The following EFHC2 variants were observed in gnomAD, a reference collection of about 807,000 sequenced individuals.
EFHC2 encodes the protein EF-hand domain-containing family member C2.
In EFHC2, 18 loss-of-function variants were observed where a neutral mutation model predicts 52.7. That is an observed-to-expected ratio of 0.34 (90% CI 0.24 to 0.51). The LOEUF (loss-of-function observed/expected upper bound fraction) is 0.51, where lower values mean the gene tolerates loss of function less well. Ranked by LOEUF, EFHC2 falls within the 20% of genes least tolerant of loss-of-function variation. The pLI, the probability that EFHC2 is intolerant of heterozygous loss-of-function variation, is 0.97. For missense variants in EFHC2, 513 were observed against 562.5 expected (o/e 0.91, Z 0.89); for synonymous variants, 203 against 204.1 (o/e 0.99, Z 0.04).
chrX:44,245,615 C>A (rs1569292485), intron 7 of EFHC2, among the ~76,000 whole-genome samples: 2 of 112,072 alleles, frequency 1.8e-5, no homozygotes, highest in Non-Finnish European at 3.8e-5. Context: ...GGGGGTCCCA[C>A]TGCACTATTA....
At chrX:44,327,455 A>G (rs1475926828) in intron 1 of EFHC2, among the ~76,000 whole-genome samples, 2 of 112,063 alleles carry the variant, frequency 1.8e-5, no homozygotes, top group East Asian at 5.6e-4. Context: ...TTTTTAGGTT[A>G]ATAGAAAATT....
chrX:44,277,952 T>C (rs1259652311), intron 2 of EFHC2, among the ~76,000 whole-genome samples: 3 of 111,255 alleles, frequency 2.7e-5, no homozygotes, highest in Non-Finnish European at 5.7e-5. Context: ...ATAGGCAAAT[T>C]TGCAATCTGG....
At chrX:44,289,607 T>A (rs1012740003) in intron 2 of EFHC2, among the ~76,000 whole-genome samples, 1 of 110,094 alleles carries the variant, frequency 9.1e-6, no homozygotes, top group African/African-American at 3.3e-5. Flanking sequence ...ATCTAATTAT[T>A]GATCTCTTTT....
intron 2 of EFHC2, among the ~76,000 whole-genome samples, chrX:44,310,861 T>A (rs2037943651): frequency 8.9e-6 from 1 of 112,012 alleles, no homozygotes; most frequent in African/African-American, 3.2e-5. Flanking sequence ...CATAAGTAAT[T>A]AAAGGCCTGC....
intron 11 of EFHC2, among the ~76,000 whole-genome samples, chrX:44,222,351 G>A (rs1416210822): frequency 9.0e-6 from 1 of 111,170 alleles, no homozygotes; most frequent in East Asian, 2.8e-4. Context: ...GAGAAATGTG[G>A]GTCCAATTTC....
intron 14 of EFHC2, among the ~76,000 whole-genome samples, chrX:44,149,528 T>C (rs2036552963): frequency 8.9e-6 from 1 of 112,159 alleles, no homozygotes. Flanking sequence ...TTTATTATTT[T>C]TTTTAAAGAC....
At chrX:44,264,624 T>C (rs778427182) in intron 3 of EFHC2, among the ~76,000 whole-genome samples, 29 of 112,593 alleles carry the variant, frequency 2.6e-4, no homozygotes, top group African/African-American at 9.0e-4. Flanking sequence ...TAACCAAAAA[T>C]CTAACGTCAC....
intron 2 of EFHC2, among the ~76,000 whole-genome samples, chrX:44,309,162 C>T (rs1165684532): frequency 1.8e-5 from 2 of 112,488 alleles, no homozygotes; most frequent in Non-Finnish European, 3.7e-5. Flanking sequence ...TATAAATAAA[C>T]AGGACTGGTT....
At chrX:44,222,085 C>G (rs1372742497) in intron 11 of EFHC2, among the ~76,000 whole-genome samples, 1 of 111,450 alleles carries the variant, frequency 9.0e-6, no homozygotes, top group Non-Finnish European at 1.9e-5. Flanking sequence ...ACTATTTATA[C>G]AGTGATTCCT....
chrX:44,159,426 CAT>C (rs1413201157), intron 14 of EFHC2, among the ~76,000 whole-genome samples: 3 of 112,141 alleles, frequency 2.7e-5, no homozygotes, highest in East Asian at 2.8e-4. Flanking sequence ...AATATTTTCA[CAT>C]GAGATTACAG....
intron 2 of EFHC2, among the ~76,000 whole-genome samples, chrX:44,304,120 C>G (rs1372203454): frequency 8.9e-6 from 1 of 112,337 alleles, no homozygotes; most frequent in Non-Finnish European, 1.9e-5. Context: ...AGATCTTATA[C>G]AGCCACCATA....
chrX:44,283,327 T>G (rs984042044), intron 2 of EFHC2, among the ~76,000 whole-genome samples: 1 of 110,553 alleles, frequency 9.0e-6, no homozygotes, highest in Admixed American at 9.6e-5. Flanking sequence ...GGACTACAGG[T>G]GCCCGCCACC....
chrX:44,326,965 G>GCGATCTGCC (rs2038056558), intron 1 of EFHC2, among the ~76,000 whole-genome samples: 1 of 110,084 alleles, frequency 9.1e-6, no homozygotes, highest in Non-Finnish European at 1.9e-5. Flanking sequence ...CTGGGCTCAA[G>GCGATCTGCC]CGATCTGCCC....
At chrX:44,191,346 C>T (rs2036918595) in intron 11 of EFHC2, among the ~76,000 whole-genome samples, 1 of 111,089 alleles carries the variant, frequency 9.0e-6, no homozygotes, top group South Asian at 3.9e-4. Context: ...AGCGATTCTC[C>T]TGCCTCAGTC....
At chrX:44,232,793 C>G (rs2037289158) in intron 9 of EFHC2, 116 bp from the exon 10 acceptor site, 1 of 589,106 alleles carries the variant, frequency 1.7e-6, no homozygotes, top group African/African-American at 2.3e-5. Flanking sequence ...CCTGTGAACT[C>G]ATATTGCCTG....
chrX:44,309,265 T>A, intron 2 of EFHC2: 1 of 528,380 alleles, frequency 1.9e-6, no homozygotes, highest in Non-Finnish European at 3.2e-6. Context: ...CTGATTTTTT[T>A]TATGAGATGG....
intron 7 of EFHC2, among the ~76,000 whole-genome samples, 162 bp from the exon 8 acceptor site, chrX:44,242,451 A>G (rs1211881582): frequency 1.8e-5 from 2 of 110,314 alleles, no homozygotes; most frequent in Non-Finnish European, 3.8e-5. Context: ...GTACTTTTCA[A>G]TCATGTTTAC....
chrX:44,209,045 G>C (rs2037073268), intron 11 of EFHC2, among the ~76,000 whole-genome samples: 5 of 63,022 alleles, frequency 7.9e-5, no homozygotes, highest in African/African-American at 3.8e-4. Context: ...GTGTGTGTGT[G>C]TGTGTGTGTG....
chrX:44,301,760 G>A (rs2037870639), intron 2 of EFHC2, among the ~76,000 whole-genome samples: 1 of 111,418 alleles, frequency 9.0e-6, no homozygotes, highest in Non-Finnish European at 1.9e-5. Flanking sequence ...TCATATATAT[G>A]GAATCATATA....
Sources: gnomAD v4.1 joint callset for allele counts (sites outside exome capture counted in the v4.1 genomes callset) on GRCh38, gnomAD v4.1.1 for gene constraint, MANE v1.5 for transcripts, NCBI Gene and HGNC (gene_info 2026-07-23, HGNC 2026-07-21) for gene names.